AVIL: variants seen among roughly 807,000 people sequenced by gnomAD.
The protein encoded by AVIL is advillin.
AVIL carries 78 observed loss-of-function variants against 109.9 expected under a neutral mutation model. That is an observed-to-expected ratio of 0.71 (90% CI 0.59 to 0.86). The LOEUF is 0.86. Among genes scored for constraint, AVIL ranks in the 40% least tolerant of loss-of-function variants. The pLI is 0.00. For synonymous variants in AVIL, 367 were observed against 379.1 expected, an observed-to-expected ratio of 0.97 and a Z score of 0.37; for missense variants, 892 against 1,016.5, an observed-to-expected ratio of 0.88 and a Z score of 1.67.
intron 6 of AVIL, 79 bp downstream of exon 6, chr12:57,810,737 C>G: frequency 6.6e-7 from 1 of 1,517,212 alleles, no homozygotes; most frequent in Non-Finnish European, 9.1e-7. Context: ...AGGGCTCCAC[C>G]TTGATTCTTG....
In AVIL at chr12:57,799,797, C is replaced by T; in HGVS notation, c.2344G>A (p.Glu782Lys). 6.2e-7 allele frequency: 1 copy of T among 1,613,978 alleles called. No homozygotes were observed. Among genetic ancestry groups the T allele is most frequent in the Non-Finnish European group, 8.5e-7 (1 of 1,180,010 alleles). Residue 782 changes from glutamate (E) to lysine (K), a missense_variant and splice_region_variant, in exon 19 of 20, where the codon GAG (glutamate) becomes AAG (lysine). By Grantham distance (56) the Glu-to-Lys change is moderately conservative (BLOSUM62 1). Coordinates refer to ENST00000549994, the MANE Select transcript of AVIL (RefSeq NM_006576.4). ...ACACAGTTCCTTCAGCCACTCACCT[C>T]CTTTTTGGCAGGGTTTACATCCTCA... ...LPEDVNPAKK[E>K]NYLSEQDFVS...
Position 57,816,065 on chromosome 12 carries a change from A to G in AVIL, c.-19-6T>C, listed in dbSNP as rs369308513. The G allele has an allele frequency of 4.1e-5, 65 of 1,598,962 alleles. No homozygotes were observed. Among genetic ancestry groups the G allele is most frequent in the Non-Finnish European group, 4.8e-5 (56 of 1,171,544 alleles). ...TGATGCTTGTCTTTCCAGGACTGAA[A>G]CATCACAGAACAAGAGGGGAGATGA... On this transcript the variant is annotated splice_region_variant and splice_polypyrimidine_tract_variant and intron_variant, in intron 1 of 19. Transcript: ENST00000549994.
chr12:57,815,820 G>T lies in AVIL; in HGVS notation c.66+155C>A, dbSNP rs571912574. 5.9e-6 allele frequency: 9 copies of T among 1,516,340 alleles called. No homozygotes were observed. In the East Asian group the frequency reaches 1.7e-4, roughly 29 times the overall value. The allele number at this position is 1,516,340 out of a possible 1,614,324, so 93.9% of individuals were successfully genotyped here. A position where few individuals can be genotyped will look rare whatever the true frequency, so the allele number is the denominator to read the frequency against. The stretch of plus-strand genomic sequence containing the variant: ...CACCTGCTTTGAGCACCCAGGAGAG[G>T]TGAAGGATGGGAAATAGGTACTTTG... On this transcript the variant is annotated intron_variant, in intron 2 of 19. Coordinates refer to ENST00000549994, the MANE Select transcript of AVIL (RefSeq NM_006576.4).
chr12:57,817,031 T>G (rs1308213829), intron 1 of AVIL, among the ~76,000 whole-genome samples: 1 of 151,972 alleles, frequency 6.6e-6, no homozygotes, highest in African/African-American at 2.4e-5. Flanking sequence ...TCTGTGTAGG[T>G]CGTGTACCAT....
chr12:57,799,496 G>T (rs1365033229), intron 19 of AVIL, among the ~76,000 whole-genome samples: 2 of 152,186 alleles, frequency 1.3e-5, no homozygotes, highest in Non-Finnish European at 2.9e-5. Flanking sequence ...TGTGGGGAAC[G>T]GATTGTAGGA....
chr12:57,806,529 G>C lies in AVIL; in HGVS notation c.1502C>G (p.Ser501Cys), dbSNP rs755293608. Reference sequence around the variant, plus strand: ...GTCAGGCTCGGCATTTCCCTTCCTGGAAGTCCCACCCTAGAGAGAAGAAAA... The same window carrying C: ...GTCAGGCTCGGCATTTCCCTTCCTGCAAGTCCCACCCTAGAGAGAAGAAAA... ...GKLVIFEGGT[S>C]RKGNAEPDPP... The change falls in exon 14 of 20, where the codon TCC becomes TGC. Residue 501 changes from serine (S) to cysteine (C), a missense_variant. Physicochemically the swap from Ser to Cys is moderately radical, Grantham distance 112. Transcript: ENST00000549994. The C allele has an allele frequency of 1.5e-5, 25 of 1,613,952 alleles. No individual in the cohort carries two copies. The highest frequency in any genetic ancestry group is 3.4e-6 in the Non-Finnish European group (4 of 1,180,008).
At position 57,810,534 on chromosome 12, in the gene AVIL, CT is replaced by C; in HGVS notation, c.575del (p.Lys192ArgfsTer14). ...GERLKAMLLA[K>X]DIRDRERGGR... ...CCCCTCGCTCCCTGTCTCGAATATC[CT>C]TTGCCAGAAGCATAGCCTGTCAAAG... is the stretch of plus-strand genomic sequence containing the variant. On this transcript the variant is annotated frameshift_variant, in exon 7 of 20. Coordinates refer to ENST00000549994, the MANE Select transcript of AVIL (RefSeq NM_006576.4). LOFTEE classifies it high-confidence loss of function. The C allele has an allele frequency of 6.2e-7, 1 of 1,613,746 alleles. No individual in the cohort carries two copies. Among genetic ancestry groups the C allele is most frequent in the Non-Finnish European group, 8.5e-7 (1 of 1,180,036 alleles).
At chr12:57,807,833 T>C (rs781070908) in intron 11 of AVIL, 106 bp from the exon 12 acceptor site, 7 of 1,482,250 alleles carry the variant, frequency 4.7e-6, no homozygotes, top group Non-Finnish European at 6.6e-6. Flanking sequence ...GTTTACTCCA[T>C]GTTCCCTTTC....
At chr12:57,810,963 C>A in intron 5 of AVIL, 37 bp from the exon 6 acceptor site, 1 of 1,613,924 alleles carries the variant, frequency 6.2e-7, no homozygotes, top group Non-Finnish European at 8.5e-7. Flanking sequence ...AGGAGGAATT[C>A]TTAGGTGCCA....
intron 11 of AVIL, 197 bp from the exon 12 acceptor site, chr12:57,807,924 C>G (rs935998558): frequency 3.5e-6 from 3 of 863,282 alleles, no homozygotes; most frequent in South Asian, 2.8e-5. Flanking sequence ...CCATCCTGTT[C>G]AGGAGCATCC....
chr12:57,798,734 A>G (rs1955785649), intron 19 of AVIL, among the ~76,000 whole-genome samples: 1 of 151,180 alleles, frequency 6.6e-6, no homozygotes, highest in South Asian at 2.1e-4. Context: ...CTCCTCCCTC[A>G]GCCTCCCAAG....
In AVIL at chr12:57,816,022, A is replaced by C; in HGVS notation, c.19T>G (p.Phe7Val). Residue 7 changes from phenylalanine to valine, a missense_variant, in exon 2 of 20, where the codon TTC (phenylalanine) becomes GTC (valine). Transcript: ENST00000549994. ...CCAGGGTCGTTGTCCACAGCCCTGA[A>C]GGCACTGGTCAGAGGCATGATGCTT... Reference protein sequence around the residue: MPLTSAFRAVDNDPGII... With the variant: MPLTSAVRAVDNDPGII... 6.2e-7 allele frequency: 1 copy of C among 1,614,112 alleles called. No individual in the cohort carries two copies. Among genetic ancestry groups the C allele is most frequent in the Non-Finnish European group, 8.5e-7 (1 of 1,179,986 alleles).
rs929232310 is a variant in AVIL at position 57,804,808 on chromosome 12, C to CAA, written c.1672-1141_1672-1140dup. On this transcript the variant is annotated intron_variant, in intron 14 of 19. Transcript: ENST00000549994. ...TGGGCGACAGAATGAGACTCTGTCTCAAAAAAAAAAACAAAAAAAAAACTG... is the reference window on the plus strand; with the variant it reads ...TGGGCGACAGAATGAGACTCTGTCTCAAAAAAAAAAAAACAAAAAAAAAACTG... Among the ~76,000 whole-genome samples the CAA allele has an allele frequency of 5.6e-5, 6 of 107,506 alleles. No homozygotes were observed. The South Asian group carries it at 9.0e-4, about 16-fold the overall frequency. 70.5% of individuals were successfully genotyped at this position (107,506 alleles called of 152,430 possible). A position where few individuals can be genotyped will look rare whatever the true frequency, so the allele number is the denominator to read the frequency against.
intron 18 of AVIL, 94 bp from the exon 19 acceptor site, chr12:57,800,014 T>A: frequency 6.7e-7 from 1 of 1,484,182 alleles, no homozygotes. Flanking sequence ...CATTTTGACT[T>A]ATGCCACTTC....
At position 57,803,680 on chromosome 12, in the gene AVIL, G is replaced by A; in HGVS notation, c.1672-11C>T. ...ATCCCCACTAGACCCCTGAGAGTGG[G>A]GCGAGGAGAGCACAGATGTTAGTTG... On this transcript the variant is annotated splice_polypyrimidine_tract_variant and intron_variant, in intron 14 of 19. Coordinates refer to ENST00000549994, the MANE Select transcript of AVIL (RefSeq NM_006576.4). 1 of 1,613,244 alleles carries A rather than the reference G, an allele frequency of 6.2e-7. No individual in the cohort carries two copies. Among genetic ancestry groups the A allele is most frequent in the Non-Finnish European group, 8.5e-7 (1 of 1,179,648 alleles).
chr12:57,806,432 A>T lies in AVIL; in HGVS notation c.1599T>A (p.Phe533Leu). The change falls in exon 14 of 20, where the codon TTT becomes TTA. Residue 533 changes from phenylalanine (F) to leucine (L), a missense_variant. Transcript: ENST00000549994. The part of the protein sequence containing the change: ...SNTKAVEVPA[F>L]ASSLNSNDVF... ...CATCATTGGAGTTTAGGGAGGAGGC[A>T]AAGGCTGGAACTTCCACTGCTTTGG... 1 of 1,614,136 alleles carries T rather than the reference A, an allele frequency of 6.2e-7. No individual in the cohort carries two copies. Among genetic ancestry groups the T allele is most frequent in the East Asian group, 2.2e-5 (1 of 44,882 alleles).
At chr12:57,808,738 A>G in intron 9 of AVIL, 190 bp from the exon 10 acceptor site, 2 of 639,224 alleles carry the variant, frequency 3.1e-6, no homozygotes, top group South Asian at 4.2e-5. Context: ...TGAGTGGAAC[A>G]TTTTTGGATC....
Position 57,797,729 on chromosome 12 carries a change from G to GA in AVIL, c.*152dup. 1.3e-6 allele frequency: 1 copy of GA among 742,884 alleles called. No individual in the cohort carries two copies. Among genetic ancestry groups the GA allele is most frequent in the Non-Finnish European group, 1.9e-6 (1 of 532,956 alleles). 46.0% of individuals were successfully genotyped at this position (742,884 alleles called of 1,614,324 possible). On this transcript the variant is annotated 3_prime_UTR_variant, in exon 20 of 20. Transcript: ENST00000549994. ...TAACAAGCAAGGAATGCAAGGATGA[G>GA]AAAAAATGGAGAACATGCCGTGATT...
rs1472016124 is a variant in AVIL at position 57,808,422 on chromosome 12, C to T, written c.1066G>A (p.Gly356Arg). 1.2e-6 allele frequency: 2 copies of T among 1,614,192 alleles called. No individual in the cohort carries two copies. The highest frequency in any genetic ancestry group is 1.7e-6 in the Non-Finnish European group (2 of 1,180,044). ...ATTTTACCAATGCTGAACGTTTTCC[C>T]CAGGCCCATGGTCTGGTCCTTTACT... ...WSVKDQTMGL[G>R]KTFSIGKIAK... Residue 356 changes from glycine to arginine, a missense_variant, in exon 10 of 20, where the codon GGG becomes AGG. Gly to Arg is a moderately radical substitution (Grantham distance 125). Transcript: ENST00000549994.
Sources: allele counts gnomAD v4.1 joint callset (sites outside exome capture counted in the v4.1 genomes callset), GRCh38; gene constraint gnomAD v4.1.1; transcripts MANE v1.5; gene names NCBI Gene and HGNC (gene_info 2026-07-23, HGNC 2026-07-21).